The following GNAQ variants were observed in gnomAD, a reference collection of about 807,000 sequenced individuals.
The protein encoded by GNAQ is guanine nucleotide-binding protein G(q) subunit alpha.
A neutral mutation model predicts 43.9 loss-of-function variants in GNAQ; 8 were observed. The ratio of observed to expected loss-of-function variants is 0.18; its 90% confidence interval spans 0.11 to 0.33. The LOEUF (loss-of-function observed/expected upper bound fraction) is 0.33. Ranked by LOEUF, GNAQ falls within the 10% of genes least tolerant of loss-of-function variation. The pLI, the probability that GNAQ is intolerant of heterozygous loss-of-function variation, is 1.00. For synonymous variants in GNAQ, 155 were observed against 170.7 expected, an observed-to-expected ratio of 0.91 and a Z score of 0.71; for missense variants, 158 against 450.8, an observed-to-expected ratio of 0.35 and a Z score of 5.88.
At chr9:77,825,650 TAAAGTGAGAAGTCTGTTTAACTGC>T (rs1283958968) in intron 2 of GNAQ, among the ~76,000 whole-genome samples, 19 of 152,124 alleles carry the variant, frequency 1.2e-4, no homozygotes, top group Non-Finnish European at 2.5e-4. Context: ...CAACCAAGTG[TAAAGTGAGAAGTCTGTTTAACTGC>T]AAAGGCAGAA....
chr9:77,747,941 A>G (rs1825754983), intron 5 of GNAQ, among the ~76,000 whole-genome samples: 2 of 152,206 alleles, frequency 1.3e-5, no homozygotes, highest in South Asian at 4.1e-4. Context: ...CTATTAAGCC[A>G]TGTTGGATGG....
chr9:77,846,547 G>T (rs1827587621), intron 2 of GNAQ, among the ~76,000 whole-genome samples: 1 of 152,154 alleles, frequency 6.6e-6, no homozygotes, highest in African/African-American at 2.4e-5. Flanking sequence ...CTCTTCAAAA[G>T]AACAACACAG....
intron 2 of GNAQ, among the ~76,000 whole-genome samples, chr9:77,887,236 T>C (rs1828323598): frequency 6.6e-6 from 1 of 152,248 alleles, no homozygotes; most frequent in Non-Finnish European, 1.5e-5. Context: ...TTGCTTTGAC[T>C]GATGATTTAA....
chr9:77,778,072 G>C (rs1019424504), intron 5 of GNAQ, among the ~76,000 whole-genome samples: 7 of 151,956 alleles, frequency 4.6e-5, no homozygotes, highest in Admixed American at 4.6e-4. Context: ...TAGCCAAAAA[G>C]TATAATCAAC....
intron 1 of GNAQ, among the ~76,000 whole-genome samples, chr9:78,016,708 A>T (rs996790439): frequency 2.6e-5 from 4 of 152,110 alleles, no homozygotes; most frequent in Non-Finnish European, 4.4e-5. Context: ...ATACAGAAAT[A>T]AAGTGAAAGC....
At chr9:77,769,170 A>G (rs7043751) in intron 5 of GNAQ, among the ~76,000 whole-genome samples, 90,179 of 151,870 alleles carry the variant, frequency 0.59, 27,881 homozygotes, top group Middle Eastern at 0.71. Context: ...GGAGGTTAAG[A>G]TGGGTGGATT....
intron 1 of GNAQ, among the ~76,000 whole-genome samples, chr9:77,935,070 A>G (rs1487427334): frequency 6.6e-6 from 1 of 152,202 alleles, no homozygotes; most frequent in African/African-American, 2.4e-5. Context: ...GGTTGCAGTG[A>G]GCCAAGATTG....
chr9:77,752,922 TA>T (rs1825834523), intron 5 of GNAQ, among the ~76,000 whole-genome samples: 1 of 151,592 alleles, frequency 6.6e-6, no homozygotes, highest in Non-Finnish European at 1.5e-5. Flanking sequence ...CTGTCTCTAC[TA>T]AAAATACAAA....
At chr9:77,808,506 A>G (rs1826864167) in intron 3 of GNAQ, among the ~76,000 whole-genome samples, 1 of 151,876 alleles carries the variant, frequency 6.6e-6, no homozygotes, top group African/African-American at 2.4e-5. Context: ...TGCAAGATCA[A>G]TGTCCTCTTC....
chr9:77,822,286 T>C (rs1307776755), intron 2 of GNAQ, among the ~76,000 whole-genome samples: 1 of 152,212 alleles, frequency 6.6e-6, no homozygotes, highest in African/African-American at 2.4e-5. Flanking sequence ...CAACCAACTG[T>C]AGGTTGATTT....
chr9:77,761,997 G>A (rs567284715), intron 5 of GNAQ, among the ~76,000 whole-genome samples: 4 of 139,848 alleles, frequency 2.9e-5, no homozygotes. Flanking sequence ...GAGGTGAGGG[G>A]CGCCTCTGCC....
chr9:77,820,355 C>T (rs1827093344), intron 2 of GNAQ, among the ~76,000 whole-genome samples: 1 of 152,164 alleles, frequency 6.6e-6, no homozygotes, highest in Admixed American at 6.5e-5. Context: ...AGAACCTGAA[C>T]CCTGACCTTT....
At chr9:77,875,870 G>A (rs529541649) in intron 2 of GNAQ, among the ~76,000 whole-genome samples, 1 of 152,286 alleles carries the variant, frequency 6.6e-6, no homozygotes, top group South Asian at 2.1e-4. Flanking sequence ...TGGGAAAGTA[G>A]AGGGGAGAGT....
chr9:77,901,226 A>C (rs890861151), intron 2 of GNAQ, among the ~76,000 whole-genome samples: 1 of 152,034 alleles, frequency 6.6e-6, no homozygotes, highest in African/African-American at 2.4e-5. Flanking sequence ...AACTCCTATC[A>C]CATCTGTTTC....
chr9:78,028,682 T>C (rs78345727), intron 1 of GNAQ, among the ~76,000 whole-genome samples: 9,297 of 152,252 alleles, frequency 0.061, 325 homozygotes, highest in African/African-American at 0.07. Flanking sequence ...TAATCTCCTC[T>C]AGATAGGTTT....
intron 1 of GNAQ, among the ~76,000 whole-genome samples, chr9:77,981,840 C>A (rs1256705537): frequency 6.6e-6 from 1 of 152,180 alleles, no homozygotes; most frequent in Non-Finnish European, 1.5e-5. Flanking sequence ...CTCTGCTGCT[C>A]AATTTTACCT....
chr9:77,889,848 C>A (rs533682320), intron 2 of GNAQ, among the ~76,000 whole-genome samples: 165 of 152,266 alleles, frequency 1.1e-3, no homozygotes, highest in African/African-American at 3.9e-3. Flanking sequence ...TTATCATGGC[C>A]TAGAAATTTT....
chr9:77,953,372 A>C (rs753726068), intron 1 of GNAQ, among the ~76,000 whole-genome samples: 2 of 152,252 alleles, frequency 1.3e-5, no homozygotes, highest in Non-Finnish European at 2.9e-5. Context: ...TGTTTATGAT[A>C]CAAAGAAAAT....
At chr9:77,749,655 A>G (rs72734786) in intron 5 of GNAQ, among the ~76,000 whole-genome samples, 21 of 152,322 alleles carry the variant, frequency 1.4e-4, no homozygotes, top group Admixed American at 3.3e-4. Context: ...GTATTTCTCT[A>G]AAATAATGTT....
Sources: allele counts gnomAD v4.1 joint callset (sites outside exome capture counted in the v4.1 genomes callset), GRCh38; gene constraint gnomAD v4.1.1; transcripts MANE v1.5; gene names NCBI Gene and HGNC (gene_info 2026-07-23, HGNC 2026-07-21).